Variants in SORCS2 observed in about 807,000 individuals in gnomAD.
SORCS2 encodes sortilin related VPS10 domain containing receptor 2, also known as VPS10 domain-containing receptor SorCS2.
In SORCS2, 100 loss-of-function variants were observed where a neutral mutation model predicts 141.6. That is an observed-to-expected ratio of 0.71 (90% CI 0.60 to 0.83). The LOEUF is 0.83. SORCS2 is among the 40% of genes least tolerant of loss of function. The probability of loss-of-function intolerance (pLI) is 0.00; values close to 1 mark genes in which losing one functional copy is unlikely to be tolerated. For synonymous variants in SORCS2, 789 were observed against 676.9 expected (o/e 1.17, Z -2.57); for missense variants, 1,646 against 1,560.2 (o/e 1.05, Z -0.93).
chr4:7,504,229 C>T lies in SORCS2; in HGVS notation c.549-27301C>T, dbSNP rs1181616759. The stretch of plus-strand genomic sequence containing the variant: ...CTCAAGCCCTTTTCTCCTGTGCGTA[C>T]AATTGAAACGGACATCTGGCGGCCA... On this transcript the variant is annotated intron_variant, in intron 2 of 26. Coordinates refer to ENST00000507866, the MANE Select transcript of SORCS2 (RefSeq NM_020777.3). Among the ~76,000 whole-genome samples, 8 of 152,214 alleles carry T rather than the reference C, an allele frequency of 5.3e-5. No individual in the cohort carries two copies. In the East Asian group the frequency reaches 1.3e-3, roughly 26 times the overall value.
chr4:7,704,046 G>GTGGTA, intron 13 of SORCS2, 131 bp from the exon 14 acceptor site: 1 of 720,470 alleles, frequency 1.4e-6, no homozygotes, highest in Non-Finnish European at 2.5e-6. Context: ...ATAAGCAGAT[G>GTGGTA]TGGTATCACC....
chr4:7,481,243 G>A (rs539166786), intron 2 of SORCS2, among the ~76,000 whole-genome samples: 5 of 152,362 alleles, frequency 3.3e-5, no homozygotes, highest in African/African-American at 1.2e-4. Context: ...AGGAGCGTGC[G>A]CTCCTCTTAC....
chr4:7,255,595 G>A (rs1467495303), intron 1 of SORCS2, among the ~76,000 whole-genome samples: 1 of 152,168 alleles, frequency 6.6e-6, no homozygotes, highest in Admixed American at 6.5e-5. Context: ...CCTGAGTTCC[G>A]GGGCTCAAGA....
At chr4:7,364,237 ACC>A (rs1294058581) in intron 1 of SORCS2, among the ~76,000 whole-genome samples, 2 of 152,206 alleles carry the variant, frequency 1.3e-5, no homozygotes, top group Non-Finnish European at 2.9e-5. Flanking sequence ...GGCAGTAGGT[ACC>A]CAACCCACCC....
intron 1 of SORCS2, among the ~76,000 whole-genome samples, chr4:7,367,472 C>T (rs781108591): frequency 5.2e-4 from 79 of 152,196 alleles, no homozygotes; most frequent in South Asian, 1.0e-3. Context: ...GTCGGTGCTG[C>T]AGGGTGGTTG....
chr4:7,657,746 ATGAGTGAGTGAGTGGC>A (rs1207070068), intron 5 of SORCS2, among the ~76,000 whole-genome samples: 2 of 148,952 alleles, frequency 1.3e-5, no homozygotes, highest in African/African-American at 2.5e-5. Context: ...CTGTGAGTGA[ATGAGTGAGTGAGTGGC>A]TGAGTGAGTG....
At chr4:7,222,687 C>T (rs1365798638) in intron 1 of SORCS2, among the ~76,000 whole-genome samples, 4 of 152,004 alleles carry the variant, frequency 2.6e-5, no homozygotes, top group East Asian at 3.9e-4. Context: ...AGGGAGGCCA[C>T]GTGCTGTGGT....
chr4:7,345,918 A>G (rs573923497), intron 1 of SORCS2, among the ~76,000 whole-genome samples: 7 of 152,232 alleles, frequency 4.6e-5, no homozygotes, highest in South Asian at 2.1e-4. Flanking sequence ...CTCATCTGCC[A>G]TCTTGTCTCT....
chr4:7,518,465 T>G (rs1733122436), intron 2 of SORCS2, among the ~76,000 whole-genome samples: 2 of 152,218 alleles, frequency 1.3e-5, no homozygotes, highest in African/African-American at 4.8e-5. Context: ...AAAGTTCTTT[T>G]GCTGTGTGTC....
intron 3 of SORCS2, among the ~76,000 whole-genome samples, chr4:7,626,350 T>C (rs1277693891): frequency 6.6e-6 from 1 of 152,212 alleles, no homozygotes; most frequent in African/African-American, 2.4e-5. Context: ...AACACTTTCA[T>C]TTTAAAATAT....
chr4:7,293,530 C>T (rs933115877), intron 1 of SORCS2, among the ~76,000 whole-genome samples: 3 of 152,122 alleles, frequency 2.0e-5, no homozygotes, highest in Middle Eastern at 3.2e-3. Context: ...GTGAATGCAC[C>T]GTTTGCAGAG....
At chr4:7,681,859 G>C (rs932688034) in intron 9 of SORCS2, among the ~76,000 whole-genome samples, 2 of 152,234 alleles carry the variant, frequency 1.3e-5, no homozygotes, top group African/African-American at 4.8e-5. Flanking sequence ...CCCCCTCTGA[G>C]CCTCAGTTTC....
intron 2 of SORCS2, among the ~76,000 whole-genome samples, chr4:7,474,539 G>A (rs80028976): frequency 2.0e-3 from 307 of 152,320 alleles, no homozygotes; most frequent in African/African-American, 6.8e-3. Context: ...CAGGGGGCTC[G>A]GAGCAAGTGT....
intron 2 of SORCS2, among the ~76,000 whole-genome samples, chr4:7,464,368 G>A (rs1352229200): frequency 6.6e-6 from 1 of 152,176 alleles, no homozygotes; most frequent in Middle Eastern, 3.2e-3. Context: ...TCTAGGAGAG[G>A]CTGCCCGAGC....
At chr4:7,614,110 C>T (rs977878998) in intron 3 of SORCS2, among the ~76,000 whole-genome samples, 1 of 151,100 alleles carries the variant, frequency 6.6e-6, no homozygotes, top group African/African-American at 2.4e-5. Context: ...TCCATTCATC[C>T]ATCCTCTTAC....
chr4:7,319,268 C>T (rs6822695), intron 1 of SORCS2, among the ~76,000 whole-genome samples: 89,303 of 151,930 alleles, frequency 0.59, 26,313 homozygotes, highest in South Asian at 0.72. Context: ...GGAAATGGGC[C>T]GGCTTCCTCT....
intron 2 of SORCS2, among the ~76,000 whole-genome samples, chr4:7,466,147 C>T (rs1366935328): frequency 3.3e-5 from 5 of 152,222 alleles, no homozygotes; most frequent in Admixed American, 1.3e-4. Context: ...CTGGAACAAA[C>T]GTCCCCAAAC....
At chr4:7,509,111 A>G (rs1484094489) in intron 2 of SORCS2, among the ~76,000 whole-genome samples, 1 of 152,222 alleles carries the variant, frequency 6.6e-6, no homozygotes, top group African/African-American at 2.4e-5. Context: ...GCTTCTGTAC[A>G]TAGAACAGAG....
At chr4:7,236,765 G>C (rs887321568) in intron 1 of SORCS2, among the ~76,000 whole-genome samples, 2 of 152,088 alleles carry the variant, frequency 1.3e-5, no homozygotes, top group Non-Finnish European at 2.9e-5. Context: ...TATTTTATTA[G>C]AGACAGGGTT....
Sources: gnomAD v4.1 joint callset for allele counts (sites outside exome capture counted in the v4.1 genomes callset) on GRCh38, gnomAD v4.1.1 for gene constraint, MANE v1.5 for transcripts, NCBI Gene and HGNC (gene_info 2026-07-23, HGNC 2026-07-21) for gene names.